The following SMC5 variants were observed in gnomAD, a reference collection of about 807,000 sequenced individuals.
The protein encoded by SMC5 is structural maintenance of chromosomes 5.
In SMC5, 88 loss-of-function variants were observed where a neutral mutation model predicts 148.3. The ratio of observed to expected loss-of-function variants is 0.59; its 90% CI spans 0.50 to 0.71. SMC5 has a LOEUF of 0.71. Ranked by LOEUF, SMC5 falls within the 30% of genes least tolerant of loss-of-function variation. The pLI is 0.00. For synonymous variants in SMC5, 421 were observed against 432.8 expected, an observed-to-expected ratio of 0.97 and a Z score of 0.34; for missense variants, 1,142 against 1,298.9, an observed-to-expected ratio of 0.88 and a Z score of 1.86.
chr9:70,309,217 A>G (rs2035589847), intron 11 of SMC5, among the ~76,000 whole-genome samples: 1 of 151,926 alleles, frequency 6.6e-6, no homozygotes, highest in Non-Finnish European at 1.5e-5. Context: ...AAAGAAGACA[A>G]CAATAAAATT....
At chr9:70,336,428 CAAG>C (rs1189558951) in intron 17 of SMC5, among the ~76,000 whole-genome samples, 3 of 152,098 alleles carry the variant, frequency 2.0e-5, no homozygotes, top group Non-Finnish European at 2.9e-5. Flanking sequence ...ATGTGGAAGA[CAAG>C]AAAGTCCTCT....
intron 2 of SMC5, 37 bp downstream of exon 2, chr9:70,264,482 C>A: frequency 6.2e-7 from 1 of 1,604,952 alleles, no homozygotes; most frequent in East Asian, 2.2e-5. Flanking sequence ...AAATTTCAAA[C>A]CTATTAATTG....
At chr9:70,298,793 C>G (rs555101790) in intron 9 of SMC5, among the ~76,000 whole-genome samples, 1 of 151,122 alleles carries the variant, frequency 6.6e-6, no homozygotes, top group African/African-American at 2.4e-5. Flanking sequence ...CCTTTTTTAC[C>G]TCCAAAGCCA....
chr9:70,344,204 A>T lies in SMC5; in HGVS notation c.2458A>T (p.Met820Leu). 1 of 1,562,794 alleles carries T rather than the reference A, an allele frequency of 6.4e-7. No homozygotes were observed. ...ATTATTGCAGAAATGCAAGGAACTT[A>T]TGAAAAGAGCTAGGCAAGTATGTAA... ...QRLLQKCKEL[M>L]KRARQVCNLG... The change falls in exon 18 of 25, where the codon ATG becomes TTG. Residue 820 changes from methionine (M) to leucine (L), a missense_variant. Physicochemically the swap from Met to Leu is conservative, Grantham distance 15 (BLOSUM62 2). Around this residue, in one of 5 missense-constraint regions of SMC5, gnomAD observed 743 missense variants for 835.7 expected, o/e 0.89. Coordinates refer to ENST00000361138, the MANE Select transcript of SMC5 (RefSeq NM_015110.4).
At chr9:70,328,190 T>A (rs2036130443) in intron 17 of SMC5, among the ~76,000 whole-genome samples, 1 of 152,154 alleles carries the variant, frequency 6.6e-6, no homozygotes, top group Non-Finnish European at 1.5e-5. Flanking sequence ...TTCCGAAATC[T>A]TGTGTCCTTT....
intron 15 of SMC5, among the ~76,000 whole-genome samples, chr9:70,321,230 A>C (rs2035936758): frequency 1.3e-5 from 2 of 152,068 alleles, no homozygotes; most frequent in South Asian, 2.1e-4. Flanking sequence ...GGGAAGGAGG[A>C]GGTTATATTG....
At chr9:70,269,479 C>T (rs1454792427) in intron 3 of SMC5, among the ~76,000 whole-genome samples, 1 of 151,996 alleles carries the variant, frequency 6.6e-6, no homozygotes, top group Non-Finnish European at 1.5e-5. Context: ...ACTTAGGAAA[C>T]TGAGATGAGA....
chr9:70,265,511 C>T (rs1255116949), intron 2 of SMC5, among the ~76,000 whole-genome samples: 3 of 152,032 alleles, frequency 2.0e-5, no homozygotes, highest in Non-Finnish European at 2.9e-5. Context: ...GAAATATGTG[C>T]AGATATAATC....
chr9:70,325,253 C>T (rs573237743), intron 17 of SMC5, among the ~76,000 whole-genome samples: 1 of 152,286 alleles, frequency 6.6e-6, no homozygotes, highest in East Asian at 1.9e-4. Context: ...ACAGACTTTC[C>T]TATTGCTCAA....
In SMC5 at chr9:70,347,977, T is replaced by A; in HGVS notation, c.2828T>A (p.Phe943Tyr). Residue 943 changes from phenylalanine to tyrosine, a missense_variant, in exon 22 of 25, where the codon TTC (phenylalanine) becomes TAC (tyrosine). Physicochemically the swap from Phe to Tyr is conservative, Grantham distance 22. This residue lies in a region of SMC5 where 743 missense variants were observed against 835.7 expected (regional missense o/e 0.89). Transcript: ENST00000361138. Reference protein sequence around the residue: ...KELVEKINEKFSNFFSSMQCA... With the variant: ...KELVEKINEKYSNFFSSMQCA... Reference sequence around the variant, plus strand: ...CTGGTAGAAAAAATTAATGAAAAATTCAGCAATTTTTTTAGTTCCATGCAG... The same window carrying A: ...CTGGTAGAAAAAATTAATGAAAAATACAGCAATTTTTTTAGTTCCATGCAG... The A allele has an allele frequency of 6.2e-7, 1 of 1,607,780 alleles. No homozygotes were observed. The highest frequency in any genetic ancestry group is 8.5e-7 in the Non-Finnish European group (1 of 1,177,754).
intron 6 of SMC5, among the ~76,000 whole-genome samples, chr9:70,281,826 T>C (rs1283096868): frequency 6.6e-6 from 1 of 152,076 alleles, no homozygotes; most frequent in Non-Finnish European, 1.5e-5. Flanking sequence ...CCTTATTTTT[T>C]CTAAGATTGA....
Position 70,350,105 on chromosome 9 carries a change from GT to G in SMC5, c.2890-5del, listed in dbSNP as rs1350465817. 1.3e-6 allele frequency: 2 copies of G among 1,575,292 alleles called. No individual in the cohort carries two copies. Among genetic ancestry groups the G allele is most frequent in the Admixed American group, 3.6e-5 (2 of 56,136 alleles). Reference sequence around the variant, plus strand: ...ACTCATTTTTCATCACTTTTTAAATGTTTTATAGGAAGATTATGATAAATAT... The same window carrying G: ...ACTCATTTTTCATCACTTTTTAAATGTTTATAGGAAGATTATGATAAATAT... On this transcript the variant is annotated splice_polypyrimidine_tract_variant and splice_region_variant and intron_variant, in intron 22 of 24. Transcript: ENST00000361138.
At chr9:70,297,251 T>C (rs2035226118) in intron 8 of SMC5, among the ~76,000 whole-genome samples, 1 of 152,198 alleles carries the variant, frequency 6.6e-6, no homozygotes, top group Admixed American at 6.5e-5. Context: ...TGAACCAAAG[T>C]TTGTGTATGT....
chr9:70,342,176 A>G (rs536444884), intron 17 of SMC5, among the ~76,000 whole-genome samples: 4 of 146,954 alleles, frequency 2.7e-5, no homozygotes, highest in East Asian at 2.1e-4. Context: ...ACTCATAGGT[A>G]GGAATTGAAC....
At chr9:70,319,082 C>A in intron 15 of SMC5, 119 bp downstream of exon 15, 3 of 947,184 alleles carry the variant, frequency 3.2e-6, no homozygotes, top group Non-Finnish European at 4.4e-6. Flanking sequence ...TCTCTTTAAT[C>A]TTTAATCTTA....
intron 11 of SMC5, among the ~76,000 whole-genome samples, chr9:70,313,664 A>AT (rs34442902): frequency 6.6e-6 from 1 of 151,860 alleles, no homozygotes; most frequent in Non-Finnish European, 1.5e-5. Flanking sequence ...TACCCAGCTA[A>AT]TTTTTTTGTA....
At chr9:70,266,091 C>G (rs1292956124) in intron 2 of SMC5, among the ~76,000 whole-genome samples, 1 of 151,998 alleles carries the variant, frequency 6.6e-6, no homozygotes, top group African/African-American at 2.4e-5. Flanking sequence ...TAATTGTATA[C>G]TGAGTCATAA....
intron 2 of SMC5, among the ~76,000 whole-genome samples, chr9:70,267,054 A>G (rs1464524057): frequency 2.3e-5 from 3 of 129,408 alleles, no homozygotes; most frequent in Non-Finnish European, 3.3e-5. Flanking sequence ...TTTTTCTCCC[A>G]TCTTTCTGGG....
intron 1 of SMC5, among the ~76,000 whole-genome samples, chr9:70,260,471 C>G (rs572233707): frequency 6.6e-6 from 1 of 151,446 alleles, no homozygotes; most frequent in East Asian, 1.9e-4. Flanking sequence ...ACAATACTAC[C>G]TTTTTTTTTC....
Sources: allele counts gnomAD v4.1 joint callset (sites outside exome capture counted in the v4.1 genomes callset), GRCh38; gene constraint gnomAD v4.1.1; regional missense constraint gnomAD v4.1.1; transcripts MANE v1.5; gene names NCBI Gene and HGNC (gene_info 2026-07-23, HGNC 2026-07-21).